PAX8: variants seen among roughly 807,000 people sequenced by gnomAD.
PAX8 encodes the protein paired box 8.
PAX8 carries 15 observed loss-of-function variants against 52.4 expected under a neutral mutation model. That is an observed-to-expected ratio of 0.29 (90% CI 0.19 to 0.44). The LOEUF is 0.44. PAX8 is among the 20% of genes least tolerant of loss of function. The pLI is 1.00. For missense variants in PAX8, 554 were observed against 602.5 expected (o/e 0.92, Z 0.84); for synonymous variants, 284 against 249.7 (o/e 1.14, Z -1.29).
Position 113,278,849 on chromosome 2 carries a change from G to A in PAX8, c.-94C>T, listed in dbSNP as rs2104627674. 9.4e-7 allele frequency: 1 copy of A among 1,068,022 alleles called. No homozygotes were observed. Among genetic ancestry groups the A allele is most frequent in the Non-Finnish European group, 1.1e-6 (1 of 880,010 alleles). 66.2% of individuals were successfully genotyped at this position (1,068,022 alleles called of 1,614,324 possible). ...GACATACCTGGCCGGCCGGCTGCAG[G>A]CCCTCACTGCTTGGGTCCGCCCGCG... is the stretch of plus-strand genomic sequence containing the variant. On this transcript the variant is annotated 5_prime_UTR_variant, in exon 1 of 12. Transcript: ENST00000429538.
intron 2 of PAX8, among the ~76,000 whole-genome samples, chr2:113,276,982 A>G (rs1009539649): frequency 6.6e-6 from 1 of 152,222 alleles, no homozygotes; most frequent in Admixed American, 6.5e-5. Context: ...TTAAGGGACT[A>G]AAACCTGATC....
Position 113,218,032 on chromosome 2 carries a change from G to A in PAX8, c.*501C>T, listed in dbSNP as rs573072931. On this transcript the variant is annotated 3_prime_UTR_variant, in exon 12 of 12. Transcript: ENST00000429538. ...GTGTGGGGCAGGCGGGAGGCTGAGGGAGGTGACTCCCTGGGTGGCTGGTGA... is the reference window on the plus strand; with the variant it reads ...GTGTGGGGCAGGCGGGAGGCTGAGGAAGGTGACTCCCTGGGTGGCTGGTGA... 81 of 233,892 alleles carry A rather than the reference G, an allele frequency of 3.5e-4. No homozygotes were observed. The highest frequency in any genetic ancestry group is 6.0e-4 in the Non-Finnish European group (71 of 118,602). The allele number at this position is 233,892 out of a possible 1,614,324, so 14.5% of individuals were successfully genotyped here. A position where few individuals can be genotyped will look rare whatever the true frequency, so the allele number is the denominator to read the frequency against.
chr2:113,218,472 T>TG lies in PAX8; in HGVS notation c.*60dup, dbSNP rs1380079057. ...ATAAAGATTCCTTTGTGTGACTCTC[T>TG]GGGGCCTGTCCCAGGCTGAGTCCTC... On this transcript the variant is annotated 3_prime_UTR_variant, in exon 12 of 12. Coordinates refer to ENST00000429538, the MANE Select transcript of PAX8 (RefSeq NM_003466.4). The TG allele has an allele frequency of 3.1e-6, 3 of 961,390 alleles. No homozygotes were observed. The highest frequency in any genetic ancestry group is 3.1e-6 in the Non-Finnish European group (2 of 642,230). 59.6% of individuals were successfully genotyped at this position (961,390 alleles called of 1,614,324 possible).
chr2:113,226,952 TG>T, intron 10 of PAX8: 1 of 1,487,210 alleles, frequency 6.7e-7, no homozygotes. Flanking sequence ...GAGGCCGAGC[TG>T]GGGCAAGTTA....
At chr2:113,260,774 G>A (rs1198347415) in intron 2 of PAX8, among the ~76,000 whole-genome samples, 8 of 152,126 alleles carry the variant, frequency 5.3e-5, no homozygotes, top group Non-Finnish European at 1.0e-4. Context: ...TCTTAACTAG[G>A]ATACAACCTG....
At chr2:113,248,609 A>G (rs1691510879) in intron 2 of PAX8, among the ~76,000 whole-genome samples, 1 of 152,280 alleles carries the variant, frequency 6.6e-6, no homozygotes, top group Non-Finnish European at 1.5e-5. Context: ...ACTGCCTTGC[A>G]ATGTCTCCTC....
At chr2:113,241,906 C>T in intron 6 of PAX8, 102 bp downstream of exon 6, 1 of 1,497,760 alleles carries the variant, frequency 6.7e-7, no homozygotes, top group Admixed American at 1.9e-5. Flanking sequence ...TGCAGAGCCC[C>T]TACAAAGTCC....
rs374229935 is a variant in PAX8 at position 113,244,444 on chromosome 2, A to G, written c.372T>C (p.Ser124=). The G allele has an allele frequency of 3.8e-4, 610 of 1,613,854 alleles. 7 individuals are homozygous for G. In the South Asian group the frequency reaches 6.0e-3, roughly 16 times the overall value. ...TCTCTTACCTATTAATGGAGCTGAC[A>G]CTGGGCACAGTGTCATTGTCACAGA... ...EGVCDNDTVP[S]VSSINRIIRT... The change falls in exon 4 of 12, where the codon AGT becomes AGC. Residue 124 remains serine (S), a synonymous_variant. Coordinates refer to ENST00000429538, the MANE Select transcript of PAX8 (RefSeq NM_003466.4).
chr2:113,225,697 G>A (rs539554355), intron 10 of PAX8: 65 of 157,374 alleles, frequency 4.1e-4, no homozygotes, highest in Non-Finnish European at 7.3e-4. Context: ...TGGGCCCCAG[G>A]AACCCCTTGC....
rs1220339408 is a variant in PAX8, at chr2:113,259,944, C to T, written c.26-13025G>A. 1.2e-4 allele frequency among the ~76,000 whole-genome samples: 18 copies of T among 152,156 alleles called. 1 individual carries two copies. Among genetic ancestry groups the T allele is most frequent in the Admixed American group, 1.0e-3 (16 of 15,270 alleles). ...GCAAGGCAGGTATGGCAGCACCTGCCGAACACGCGTTTAGATGCTTAGCGA... is the reference window on the plus strand; with the variant it reads ...GCAAGGCAGGTATGGCAGCACCTGCTGAACACGCGTTTAGATGCTTAGCGA... On this transcript the variant is annotated intron_variant, in intron 2 of 11. Transcript: ENST00000429538.
chr2:113,273,629 C>G (rs745705003), intron 2 of PAX8: 2 of 152,166 alleles, frequency 1.3e-5, no homozygotes, highest in Non-Finnish European at 1.5e-5. Flanking sequence ...CTTTAAACAT[C>G]CCCCTCCCCA....
Position 113,236,533 on chromosome 2 carries a change from G to A in PAX8, c.898+68C>T, listed in dbSNP as rs992446707. 4.0e-6 allele frequency: 6 copies of A among 1,517,788 alleles called. No individual in the cohort carries two copies. The East Asian group carries it at 7.4e-5, about 19-fold the overall frequency. The allele number at this position is 1,517,788 out of a possible 1,614,324, so 94.0% of individuals were successfully genotyped here. Reference sequence around the variant, plus strand: ...TCCAGGCCAGGGCCCCACACCTTCCGCCTGACAGCCAGCCAAGCTCTTCAG... The same window carrying A: ...TCCAGGCCAGGGCCCCACACCTTCCACCTGACAGCCAGCCAAGCTCTTCAG... On this transcript the variant is annotated intron_variant, in intron 8 of 11. Coordinates refer to ENST00000429538, the MANE Select transcript of PAX8 (RefSeq NM_003466.4).
At chr2:113,246,728 C>T (rs748651172) in intron 3 of PAX8, 26 bp downstream of exon 3, 23 of 1,607,136 alleles carry the variant, frequency 1.4e-5, no homozygotes, top group African/African-American at 1.1e-4. Flanking sequence ...GCGGGGAAGG[C>T]GGCCTGCGGT....
chr2:113,249,836 G>T (rs1223115716), intron 2 of PAX8, among the ~76,000 whole-genome samples: 1 of 152,138 alleles, frequency 6.6e-6, no homozygotes, highest in Non-Finnish European at 1.5e-5. Context: ...AAAGAGTCTT[G>T]GGCCTGATCC....
At chr2:113,227,644 A>G (rs1476712526) in intron 9 of PAX8, among the ~76,000 whole-genome samples, 1 of 152,166 alleles carries the variant, frequency 6.6e-6, no homozygotes, top group African/African-American at 2.4e-5. Flanking sequence ...TGGCCTCCAT[A>G]AATACATTTG....
intron 2 of PAX8, among the ~76,000 whole-genome samples, chr2:113,258,397 T>C (rs1442739938): frequency 1.3e-5 from 2 of 152,154 alleles, no homozygotes; most frequent in African/African-American, 4.8e-5. Context: ...CCCTCCTGAT[T>C]GCTGCCTCCC....
chr2:113,241,469 G>T, intron 7 of PAX8, 82 bp downstream of exon 7: 1 of 1,388,104 alleles, frequency 7.2e-7, no homozygotes, highest in South Asian at 1.2e-5. Context: ...CAGCTGCTTT[G>T]ATGGAGCACA....
intron 3 of PAX8, among the ~76,000 whole-genome samples, chr2:113,246,553 G>A (rs1163322634): frequency 1.3e-5 from 2 of 152,208 alleles, no homozygotes; most frequent in Non-Finnish European, 2.9e-5. Context: ...AAGAAAGAAG[G>A]AAGGGCAAGA....
rs143585867 is a variant in PAX8 at position 113,232,447 on chromosome 2, G to C, written c.1087+2947C>G. On this transcript the variant is annotated intron_variant, in intron 9 of 11. Coordinates refer to ENST00000429538, the MANE Select transcript of PAX8 (RefSeq NM_003466.4). The stretch of plus-strand genomic sequence containing the variant: ...AGCAACCTTCAAAGTGCTCACACCT[G>C]CACTTCAGCATCATCTGGGCCTGGA... Among the ~76,000 whole-genome samples the C allele has an allele frequency of 1.4e-4, 22 of 152,340 alleles. No homozygotes were observed. In the East Asian group the frequency reaches 3.9e-3, roughly 27 times the overall value.
Sources: allele counts gnomAD v4.1 joint callset (sites outside exome capture counted in the v4.1 genomes callset), GRCh38; gene constraint gnomAD v4.1.1; transcripts MANE v1.5; gene names NCBI Gene and HGNC (gene_info 2026-07-23, HGNC 2026-07-21).